The following NHSL2 variants were observed in gnomAD, a reference collection of about 807,000 sequenced individuals.
The protein encoded by NHSL2 is NHS like 2.
NHSL2 carries 27 observed loss-of-function variants against 53.4 expected under a neutral mutation model. That is an observed-to-expected ratio of 0.51 (90% CI 0.37 to 0.70). The LOEUF (loss-of-function observed/expected upper bound fraction) is 0.70. Ranked by LOEUF, NHSL2 falls within the 30% of genes least tolerant of loss-of-function variation. The probability of loss-of-function intolerance (pLI) is 0.00; values close to 1 mark genes in which losing one functional copy is unlikely to be tolerated. For missense variants in NHSL2, 892 were observed against 980.1 expected (o/e 0.91, Z 1.20); for synonymous variants, 408 against 404.1 (o/e 1.01, Z -0.12).
rs182222679 is a variant in NHSL2 at position 71,953,784 on chromosome X, T to C, written c.280+42417T>C. 4.7e-3 allele frequency among the ~76,000 whole-genome samples: 527 copies of C among 111,871 alleles called. 1 individual carries two copies. Among genetic ancestry groups the C allele is most frequent in the Non-Finnish European group, 7.4e-3 (394 of 53,078 alleles). ...GCACAGATAAAGGGGCCATTGACCA[T>C]ATTTTATTTCTTCATTAGCTTCCTG... On this transcript the variant is annotated intron_variant, in intron 1 of 7. Coordinates refer to ENST00000633930, the MANE Select transcript of NHSL2 (RefSeq NM_001013627.3).
intron 1 of NHSL2, chrX:72,069,759 C>A: frequency 6.8e-6 from 6 of 885,873 alleles, no homozygotes; most frequent in Non-Finnish European, 8.5e-6. Context: ...AACAGGTACT[C>A]TTTTCCCTTC....
At chrX:72,017,316 A>G (rs1297801969) in intron 1 of NHSL2, among the ~76,000 whole-genome samples, 1 of 112,238 alleles carries the variant, frequency 8.9e-6, no homozygotes, top group African/African-American at 3.2e-5. Flanking sequence ...TTACCCTTCT[A>G]CAATACAGCC....
intron 1 of NHSL2, among the ~76,000 whole-genome samples, chrX:71,919,440 A>G (rs2041645751): frequency 8.9e-6 from 1 of 112,500 alleles, no homozygotes; most frequent in South Asian, 3.7e-4. Context: ...GTGAAATTCC[A>G]CGAAGCTTGC....
chrX:72,095,188 C>T (rs1313767578), intron 1 of NHSL2, among the ~76,000 whole-genome samples: 1 of 112,340 alleles, frequency 8.9e-6, no homozygotes, highest in Non-Finnish European at 1.9e-5. Context: ...GAAGCTCTTT[C>T]GGGCAGACTG....
In NHSL2 at chrX:72,113,282, G is replaced by A. The variant is rs904299232; in HGVS notation, c.281-18797G>A. ...GCTGTGTGGGAAACAGATGGGAGGT[G>A]GGGTTGCTCAGTAGCTGGCAAGAGG... On this transcript the variant is annotated intron_variant, in intron 1 of 7. Coordinates refer to ENST00000633930, the MANE Select transcript of NHSL2 (RefSeq NM_001013627.3). Among the ~76,000 whole-genome samples the A allele has an allele frequency of 1.1e-4, 12 of 111,465 alleles. 1 individual carries two copies. Among genetic ancestry groups the A allele is most frequent in the African/African-American group, 3.6e-4 (11 of 30,599 alleles).
At chrX:71,940,536 A>G (rs1035931311) in intron 1 of NHSL2, among the ~76,000 whole-genome samples, 1 of 111,518 alleles carries the variant, frequency 9.0e-6, no homozygotes, top group Non-Finnish European at 1.9e-5. Flanking sequence ...GGAGGGGACA[A>G]TTGAGGCTTG....
intron 1 of NHSL2, among the ~76,000 whole-genome samples, chrX:72,095,817 C>T (rs1379232284): frequency 2.7e-5 from 3 of 111,845 alleles, no homozygotes; most frequent in Non-Finnish European, 5.6e-5. Context: ...TCCTCATCTG[C>T]AAAATGAGAG....
At position 72,146,577 on chromosome X, in the gene NHSL2, T is replaced by A. The variant is rs1430305722; in HGVS notation, c.*3003T>A. The A allele has an allele frequency of 8.9e-6, 1 of 112,054 alleles. No homozygotes were observed. Among genetic ancestry groups the A allele is most frequent in the Non-Finnish European group, 1.9e-5 (1 of 53,215 alleles). 9.2% of individuals were successfully genotyped at this position (112,054 alleles called of 1,213,427 possible). On this transcript the variant is annotated 3_prime_UTR_variant, in exon 8 of 8. Transcript: ENST00000633930. Reference sequence around the variant, plus strand: ...GGAGCTCAGCTTCCATTTCAAGTCGTCCCTATCCTCTTTTTTCCTCCCCAT... The same window carrying A: ...GGAGCTCAGCTTCCATTTCAAGTCGACCCTATCCTCTTTTTTCCTCCCCAT...
intron 1 of NHSL2, among the ~76,000 whole-genome samples, chrX:72,120,692 A>G (rs2042175214): frequency 8.9e-6 from 1 of 112,062 alleles, no homozygotes; most frequent in Non-Finnish European, 1.9e-5. Context: ...ACATACATAT[A>G]TGTCTTTTAC....
At chrX:71,988,485 C>T (rs2042012665) in intron 1 of NHSL2, among the ~76,000 whole-genome samples, 2 of 111,387 alleles carry the variant, frequency 1.8e-5, no homozygotes, top group Admixed American at 1.9e-4. Flanking sequence ...GGGACTCTAA[C>T]GCTCCTAAGT....
chrX:71,919,023 C>T (rs1022549751), intron 1 of NHSL2, among the ~76,000 whole-genome samples: 1 of 111,943 alleles, frequency 8.9e-6, no homozygotes, highest in African/African-American at 3.2e-5. Context: ...CAGACACATA[C>T]ACATAAGAAG....
intron 1 of NHSL2, among the ~76,000 whole-genome samples, chrX:71,919,083 A>T (rs1012759590): frequency 1.8e-5 from 2 of 112,386 alleles, no homozygotes; most frequent in Non-Finnish European, 3.8e-5. Flanking sequence ...TCTCAGGGTG[A>T]TGGGATTATG....
In NHSL2 at chrX:72,144,351, A is replaced by T; in HGVS notation, c.*777A>T. 3.6e-6 allele frequency: 1 copy of T among 278,487 alleles called. No individual in the cohort carries two copies. Among genetic ancestry groups the T allele is most frequent in the Non-Finnish European group, 6.5e-6 (1 of 153,889 alleles). The allele number at this position is 278,487 out of a possible 1,213,427, so 23.0% of individuals were successfully genotyped here. ...AAACAAGACAGCCATTTGTTCACTC[A>T]GATCTAGCCGAGGTAACTCACAAGT... is the stretch of plus-strand genomic sequence containing the variant. On this transcript the variant is annotated 3_prime_UTR_variant, in exon 8 of 8. Transcript: ENST00000633930.
chrX:72,118,412 C>T (rs1422868541), intron 1 of NHSL2, among the ~76,000 whole-genome samples: 1 of 111,842 alleles, frequency 8.9e-6, no homozygotes, highest in Non-Finnish European at 1.9e-5. Context: ...CAAATATTTT[C>T]TCTTATTTTG....
chrX:72,115,439 G>GGC (rs1556364953), intron 1 of NHSL2, among the ~76,000 whole-genome samples: 2 of 85,359 alleles, frequency 2.3e-5, no homozygotes, highest in East Asian at 1.1e-3. Context: ...GGCGGGGGGG[G>GGC]GGTGCGGGGG....
chrX:71,964,729 A>G (rs2041893775), intron 1 of NHSL2, among the ~76,000 whole-genome samples: 1 of 112,060 alleles, frequency 8.9e-6, no homozygotes, highest in Admixed American at 9.5e-5. Flanking sequence ...TGTATCTCCA[A>G]TGAATATATT....
intron 1 of NHSL2, among the ~76,000 whole-genome samples, chrX:72,112,792 C>T (rs1009949953): frequency 6.3e-5 from 7 of 111,198 alleles, no homozygotes; most frequent in Non-Finnish European, 1.3e-4. Flanking sequence ...TGGGTTCAAG[C>T]GATTCTCCTG....
intron 4 of NHSL2, among the ~76,000 whole-genome samples, chrX:72,136,122 G>A (rs6525575): frequency 0.51 from 56,679 of 110,172 alleles, 13,337 homozygotes; most frequent in Non-Finnish European, 0.73. Flanking sequence ...GTCTGTGAAC[G>A]TGTGCAGCTG....
intron 1 of NHSL2, among the ~76,000 whole-genome samples, chrX:71,923,573 T>A (rs1015260089): frequency 9.8e-5 from 11 of 112,051 alleles, no homozygotes; most frequent in Non-Finnish European, 1.9e-5. Flanking sequence ...GTCAGTGATA[T>A]ACCCTGTTCT....
Sources: allele counts gnomAD v4.1 joint callset (sites outside exome capture counted in the v4.1 genomes callset), GRCh38; gene constraint gnomAD v4.1.1; transcripts MANE v1.5; gene names NCBI Gene and HGNC (gene_info 2026-07-23, HGNC 2026-07-21).